The following THSD7B variants were observed in gnomAD, a reference collection of about 807,000 sequenced individuals.
THSD7B encodes thrombospondin type-1 domain-containing protein 7B.
In THSD7B, 138 loss-of-function variants were observed where a neutral mutation model predicts 213.6. The observed-to-expected ratio is 0.65, with a 90% CI of 0.56 to 0.74. THSD7B has a LOEUF of 0.74. Ranked by LOEUF, THSD7B falls within the 30% of genes least tolerant of loss-of-function variation. The pLI is 0.00. For synonymous variants in THSD7B, 742 were observed against 687.0 expected (o/e 1.08, Z -1.25); for missense variants, 1,931 against 1,991.5 (o/e 0.97, Z 0.58).
chr2:137,051,126 C>G (rs1262852535), intron 2 of THSD7B, among the ~76,000 whole-genome samples: 4 of 152,120 alleles, frequency 2.6e-5, no homozygotes. Flanking sequence ...CTCTGGGAAA[C>G]AAAAGCATTA....
At chr2:137,178,416 A>G (rs34712067) in intron 7 of THSD7B, among the ~76,000 whole-genome samples, 10,593 of 152,242 alleles carry the variant, frequency 0.07, 396 homozygotes, top group African/African-American at 0.094. Flanking sequence ...TGACAAATAC[A>G]TTGTATTAAA....
At chr2:137,086,288 G>T (rs62172280) in intron 3 of THSD7B, among the ~76,000 whole-genome samples, 1 of 151,892 alleles carries the variant, frequency 6.6e-6, no homozygotes, top group Non-Finnish European at 1.5e-5. Context: ...AATGAGCCAA[G>T]ATCACGCCAT....
chr2:136,961,046 G>A lies in THSD7B; in HGVS notation c.139+78729G>A, dbSNP rs113544989. 3.4e-3 allele frequency among the ~76,000 whole-genome samples: 370 copies of A among 107,558 alleles called. 2 individuals carry two copies. The highest frequency in any genetic ancestry group is 0.013 in the Admixed American group (89 of 7,054). 70.6% of individuals were successfully genotyped at this position (107,558 alleles called of 152,430 possible). Reference sequence around the variant, plus strand: ...GGAGCTTGCAGTGAGCCAAGACCGCGCCACTGCACTCCAGCCTGGGTGACA... The same window carrying A: ...GGAGCTTGCAGTGAGCCAAGACCGCACCACTGCACTCCAGCCTGGGTGACA... On this transcript the variant is annotated intron_variant, in intron 2 of 27. Transcript: ENST00000409968.
Position 137,488,032 on chromosome 2 carries a change from G to T in THSD7B, c.3138+37009G>T, listed in dbSNP as rs1688505466. On this transcript the variant is annotated intron_variant, in intron 15 of 27. Transcript: ENST00000409968. The stretch of plus-strand genomic sequence containing the variant: ...CCCGCCTCGGCCTCCCAAAGTGCTG[G>T]GATTACAGGCGTGAGCCACCGCGCC... 1.6e-4 allele frequency among the ~76,000 whole-genome samples: 2 copies of T among 12,276 alleles called. 1 individual carries two copies. Among genetic ancestry groups the T allele is most frequent in the African/African-American group, 3.2e-4 (2 of 6,230 alleles). 8.1% of individuals were successfully genotyped at this position (12,276 alleles called of 152,430 possible).
chr2:136,992,281 T>G (rs1043754297), intron 2 of THSD7B, among the ~76,000 whole-genome samples: 1 of 152,248 alleles, frequency 6.6e-6, no homozygotes, highest in Non-Finnish European at 1.5e-5. Flanking sequence ...TTAGCAGAAC[T>G]TGTACTGATT....
intron 2 of THSD7B, among the ~76,000 whole-genome samples, chr2:136,940,482 T>C (rs956006281): frequency 7.7e-6 from 1 of 129,996 alleles, no homozygotes; most frequent in Admixed American, 7.2e-5. Flanking sequence ...AGTTTGATAA[T>C]TTTTTTTTCC....
At chr2:137,266,731 C>T (rs1452813280) in intron 10 of THSD7B, among the ~76,000 whole-genome samples, 3 of 152,180 alleles carry the variant, frequency 2.0e-5, no homozygotes, top group Non-Finnish European at 4.4e-5. Flanking sequence ...TACTCTGCAC[C>T]TATGCTTGCC....
intron 5 of THSD7B, among the ~76,000 whole-genome samples, chr2:137,134,255 G>A (rs1003351927): frequency 1.3e-5 from 2 of 152,128 alleles, no homozygotes; most frequent in African/African-American, 4.8e-5. Flanking sequence ...TCAGAGCAGA[G>A]GGCCCTCTGA....
chr2:137,089,400 A>G (rs12995311), intron 3 of THSD7B, among the ~76,000 whole-genome samples: 1 of 147,328 alleles, frequency 6.8e-6, no homozygotes, highest in African/African-American at 2.6e-5. Context: ...ATATGTATAT[A>G]TACATATACA....
intron 6 of THSD7B, 106 bp downstream of exon 6, chr2:137,160,474 A>C (rs1679998462): frequency 7.1e-7 from 1 of 1,405,022 alleles, no homozygotes; most frequent in South Asian, 1.5e-5. Context: ...TTGTTTGTAA[A>C]ATTTAGATAA....
intron 17 of THSD7B, among the ~76,000 whole-genome samples, chr2:137,574,910 T>G (rs1216304560): frequency 6.6e-6 from 1 of 152,102 alleles, no homozygotes; most frequent in African/African-American, 2.4e-5. Context: ...AGGAAACAAT[T>G]ATTTTATAAG....
rs1315295702 is a variant in THSD7B, at chr2:137,057,079, C to T, written c.799C>T (p.Leu267=). The T allele has an allele frequency of 1.2e-6, 2 of 1,613,810 alleles. No individual in the cohort carries two copies. Among genetic ancestry groups the T allele is most frequent in the East Asian group, 2.2e-5 (1 of 44,870 alleles). ...KEINPSGRTV[L]DFNSDSNERV... is the part of the protein sequence containing the mutation. Reference sequence around the variant, plus strand: ...AATTAATCCAAGCGGAAGAACTGTTCTGGATTTTAACTCTGATTCAAATGA... The same window carrying T: ...AATTAATCCAAGCGGAAGAACTGTTTTGGATTTTAACTCTGATTCAAATGA... The change falls in exon 3 of 28, where the codon CTG becomes TTG. Residue 267 remains leucine (L), a synonymous_variant. Transcript: ENST00000409968.
chr2:136,791,252 C>T (rs1328096214), intron 1 of THSD7B, among the ~76,000 whole-genome samples: 1 of 151,992 alleles, frequency 6.6e-6, no homozygotes, highest in East Asian at 1.9e-4. Context: ...GTAGTCAGTG[C>T]TCTTGGGCAA....
chr2:137,600,251 G>A (rs79792531), intron 17 of THSD7B, among the ~76,000 whole-genome samples: 4,382 of 152,146 alleles, frequency 0.029, 73 homozygotes, highest in Non-Finnish European at 0.045. Context: ...ATTCAGCTTT[G>A]GAAACACTAA....
rs570879284 is a variant in THSD7B, at chr2:136,835,888, A to G, written c.-35-46256A>G. Among the ~76,000 whole-genome samples the G allele has an allele frequency of 9.8e-5, 15 of 152,338 alleles. No individual in the cohort carries two copies. In the South Asian group the frequency reaches 2.9e-3, roughly 29 times the overall value. ...ACAGGGGTTTGAGTTGCATAAAGAC[A>G]GAGAAAATGACTGAGAATTAATGTC... On this transcript the variant is annotated intron_variant, in intron 1 of 27. Coordinates refer to ENST00000409968, the MANE Select transcript of THSD7B (RefSeq NM_001316349.2).
intron 25 of THSD7B, among the ~76,000 whole-genome samples, chr2:137,660,544 G>A (rs1158527312): frequency 3.9e-5 from 6 of 152,172 alleles, no homozygotes; most frequent in African/African-American, 7.2e-5. Context: ...AAGGAAAAGA[G>A]GGGAAGTTCA....
At chr2:137,539,680 A>T (rs902735143) in intron 15 of THSD7B, among the ~76,000 whole-genome samples, 2 of 151,752 alleles carry the variant, frequency 1.3e-5, no homozygotes, top group Non-Finnish European at 3.0e-5. Context: ...TGTCGAGATG[A>T]ATACTTAGAG....
At chr2:136,807,297 TTATTTATTCAAA>T (rs932308369) in intron 1 of THSD7B, among the ~76,000 whole-genome samples, 1 of 152,170 alleles carries the variant, frequency 6.6e-6, no homozygotes, top group Non-Finnish European at 1.5e-5. Flanking sequence ...CTTCATTTAT[TTATTTATTCAAA>T]TATTTATTCA....
chr2:137,261,503 A>G (rs898310630), intron 10 of THSD7B, among the ~76,000 whole-genome samples: 4 of 152,112 alleles, frequency 2.6e-5, no homozygotes, highest in Non-Finnish European at 4.4e-5. Context: ...GTACTGAGAG[A>G]TAAGTAATTT....
Sources: allele counts gnomAD v4.1 joint callset (sites outside exome capture counted in the v4.1 genomes callset), GRCh38; gene constraint gnomAD v4.1.1; transcripts MANE v1.5; gene names NCBI Gene and HGNC (gene_info 2026-07-23, HGNC 2026-07-21).